Variants in MLLT10 observed in about 807,000 individuals in gnomAD.
MLLT10 encodes the protein protein AF-10.
In MLLT10, 30 loss-of-function variants were observed where a neutral mutation model predicts 129.1. The ratio of observed to expected loss-of-function variants is 0.23; its 90% CI spans 0.17 to 0.32. The LOEUF (loss-of-function observed/expected upper bound fraction) is 0.32. Among genes scored for constraint, MLLT10 ranks in the 10% least tolerant of loss-of-function variants. The probability of loss-of-function intolerance (pLI) is 1.00; values close to 1 mark genes in which losing one functional copy is unlikely to be tolerated. For synonymous variants in MLLT10, 490 were observed against 446.4 expected (o/e 1.10, Z -1.23); for missense variants, 1,119 against 1,268.3 (o/e 0.88, Z 1.79).
At chr10:21,689,567 A>ATATATATATATATATATATATG (rs2053630910) in intron 13 of MLLT10, among the ~76,000 whole-genome samples, 2 of 60,316 alleles carry the variant, frequency 3.3e-5, no homozygotes, top group African/African-American at 5.8e-5. Context: ...ATATATATGT[A>ATATATATATATATATATATATG]TATATATATA....
At chr10:21,676,190 G>A (rs1029311791) in intron 11 of MLLT10, among the ~76,000 whole-genome samples, 1 of 152,090 alleles carries the variant, frequency 6.6e-6, no homozygotes, top group African/African-American at 2.4e-5. Context: ...AGCACTTTGG[G>A]AGGCTGAGGT....
intron 3 of MLLT10, chr10:21,557,569 C>T (rs912114062): frequency 6.6e-6 from 1 of 152,500 alleles, no homozygotes; most frequent in Non-Finnish European, 1.5e-5. Context: ...TTTAGGACTT[C>T]ACCTCTTATC....
At position 21,742,693 on chromosome 10, in the gene MLLT10, C is replaced by G. The variant is rs1833830028; in HGVS notation, c.*710C>G. ...TTGAGTTAAGTGAGTTCTGAGGCTG[C>G]TGGGGGAACCAGATCAATTCAAAGC... On this transcript the variant is annotated 3_prime_UTR_variant, in exon 23 of 23. Coordinates refer to ENST00000307729, the MANE Select transcript of MLLT10 (RefSeq NM_001195626.3). 4.5e-6 allele frequency: 1 copy of G among 224,480 alleles called. No homozygotes were observed. The highest frequency in any genetic ancestry group is 8.9e-6 in the Non-Finnish European group (1 of 112,726). The allele number at this position is 224,480 out of a possible 1,614,324, so 13.9% of individuals were successfully genotyped here. A position where few individuals can be genotyped will look rare whatever the true frequency, so the allele number is the denominator to read the frequency against.
At chr10:21,591,459 C>T (rs1315632557) in intron 4 of MLLT10, among the ~76,000 whole-genome samples, 3 of 152,072 alleles carry the variant, frequency 2.0e-5, no homozygotes, top group East Asian at 1.9e-4. Context: ...GCTGTTTGTT[C>T]GTAACATTGA....
chr10:21,684,132 C>G (rs1200212575), intron 13 of MLLT10, among the ~76,000 whole-genome samples: 1 of 151,940 alleles, frequency 6.6e-6, no homozygotes, highest in Non-Finnish European at 1.5e-5. Context: ...CACCTCAGTC[C>G]CCTGAGTAGA....
intron 10 of MLLT10, 48 bp from the exon 11 acceptor site, chr10:21,673,302 C>CG: frequency 2.1e-5 from 2 of 94,608 alleles, no homozygotes; most frequent in South Asian, 9.5e-5. Context: ...ATTTTTCTGT[C>CG]CCCCCCACCC....
chr10:21,673,683 C>G lies in MLLT10; in HGVS notation c.1385C>G (p.Thr462Ser). 1.7e-5 allele frequency: 27 copies of G among 1,614,040 alleles called. No individual in the cohort carries two copies. The highest frequency in any genetic ancestry group is 2.2e-5 in the Non-Finnish European group (26 of 1,180,010). The stretch of plus-strand genomic sequence containing the variant: ...CAAACTTCTGGCATAGAAGAAGAAA[C>G]TGTAAAGGAAAAGAAAAGGAAAGGA... ...RAQTSGIEEE[T>S]VKEKKRKGNK... is the part of the protein sequence containing the mutation. Residue 462 changes from threonine (T) to serine (S), a missense_variant, in exon 11 of 23, where the codon ACT (threonine) becomes AGT (serine). Physicochemically the swap from Thr to Ser is moderately conservative, Grantham distance 58. Around this residue, in one of 5 missense-constraint regions of MLLT10, gnomAD observed 1,004 missense variants for 1,008.7 expected, o/e 1.00. Transcript: ENST00000307729.
chr10:21,721,667 C>G (rs1416470484), intron 14 of MLLT10, among the ~76,000 whole-genome samples: 1 of 152,090 alleles, frequency 6.6e-6, no homozygotes, highest in African/African-American at 2.4e-5. Flanking sequence ...TTAGGAAATA[C>G]TAAGTTTCTT....
intron 13 of MLLT10, among the ~76,000 whole-genome samples, chr10:21,689,869 T>G (rs1462632965): frequency 1.3e-5 from 2 of 151,638 alleles, no homozygotes; most frequent in Non-Finnish European, 2.9e-5. Context: ...AACCCAATAG[T>G]TTTTTGTTAC....
chr10:21,693,058 G>A (rs931747219), intron 13 of MLLT10, among the ~76,000 whole-genome samples: 13 of 151,432 alleles, frequency 8.6e-5, no homozygotes, highest in African/African-American at 2.7e-4. Context: ...GATGCTTCTC[G>A]TTTAGGCTTA....
At chr10:21,575,404 C>T (rs1294277212) in intron 3 of MLLT10, among the ~76,000 whole-genome samples, 1 of 152,148 alleles carries the variant, frequency 6.6e-6, no homozygotes, top group Non-Finnish European at 1.5e-5. Context: ...ATCATGTAGG[C>T]CAGGCTGGTC....
At chr10:21,656,776 C>T (rs143796844) in intron 9 of MLLT10, among the ~76,000 whole-genome samples, 323 of 152,084 alleles carry the variant, frequency 2.1e-3, no homozygotes, top group African/African-American at 7.1e-3. Context: ...TAGTGGACCA[C>T]CGGTGATACA....
At chr10:21,569,083 T>C (rs939328307) in intron 3 of MLLT10, among the ~76,000 whole-genome samples, 1 of 152,198 alleles carries the variant, frequency 6.6e-6, no homozygotes, top group African/African-American at 2.4e-5. Context: ...CAAGAGTTGT[T>C]TTTTTGGCCT....
At chr10:21,698,671 C>T (rs896617228) in intron 13 of MLLT10, among the ~76,000 whole-genome samples, 3 of 152,204 alleles carry the variant, frequency 2.0e-5, no homozygotes, top group Admixed American at 1.3e-4. Context: ...AGTGGTTGTA[C>T]TAATTTTACA....
At chr10:21,725,747 C>A (rs1365152266) in intron 14 of MLLT10, among the ~76,000 whole-genome samples, 3 of 144,734 alleles carry the variant, frequency 2.1e-5, no homozygotes, top group Admixed American at 6.8e-5. Flanking sequence ...ATTGTAGTTA[C>A]GTAACTTTTT....
intron 11 of MLLT10, among the ~76,000 whole-genome samples, chr10:21,674,671 T>C (rs1431737521): frequency 6.6e-6 from 1 of 152,188 alleles, no homozygotes; most frequent in Non-Finnish European, 1.5e-5. Context: ...TAACAGTTGA[T>C]GTTAACTGAA....
At chr10:21,599,132 C>T (rs1367841437) in intron 5 of MLLT10, among the ~76,000 whole-genome samples, 3 of 149,086 alleles carry the variant, frequency 2.0e-5, no homozygotes, top group Non-Finnish European at 3.0e-5. Context: ...GAGCCGAGAT[C>T]GCACCACTGC....
intron 13 of MLLT10, among the ~76,000 whole-genome samples, chr10:21,700,600 C>T (rs981738520): frequency 1.1e-4 from 16 of 152,084 alleles, no homozygotes; most frequent in African/African-American, 3.6e-4. Flanking sequence ...AATGCTTTTT[C>T]TGCATCTGAG....
At chr10:21,605,411 GC>G (rs2043962591) in intron 5 of MLLT10, among the ~76,000 whole-genome samples, 1 of 152,016 alleles carries the variant, frequency 6.6e-6, no homozygotes, top group Non-Finnish European at 1.5e-5. Flanking sequence ...TTTCTAGTAT[GC>G]CATTTTCATT....
Sources: gnomAD v4.1 joint callset for allele counts (sites outside exome capture counted in the v4.1 genomes callset) on GRCh38, gnomAD v4.1.1 for gene constraint, gnomAD v4.1.1 regional missense constraint, MANE v1.5 for transcripts, NCBI Gene and HGNC (gene_info 2026-07-23, HGNC 2026-07-21) for gene names.